Variants in NAV2 observed in about 807,000 individuals in gnomAD.
NAV2 encodes the protein neuron navigator 2.
NAV2 carries 54 observed loss-of-function variants against 223.2 expected under a neutral mutation model. The ratio of observed to expected loss-of-function variants is 0.24; its 90% confidence interval spans 0.19 to 0.30. NAV2 has a LOEUF of 0.30. Among genes scored for constraint, NAV2 ranks in the 10% least tolerant of loss-of-function variants. The pLI is 1.00. For synonymous variants in NAV2, 1,279 were observed against 1,239.3 expected (o/e 1.03, Z -0.67); for missense variants, 2,806 against 3,147.5 (o/e 0.89, Z 2.60).
At chr11:19,892,682 G>T in intron 6 of NAV2, 88 bp downstream of exon 6, 1 of 1,410,144 alleles carries the variant, frequency 7.1e-7, no homozygotes. Flanking sequence ...TTGGGTCATG[G>T]GGAGGGGTTG....
At chr11:19,540,034 G>C (rs1053910217) in intron 1 of NAV2, among the ~76,000 whole-genome samples, 1 of 152,134 alleles carries the variant, frequency 6.6e-6, no homozygotes, top group South Asian at 2.1e-4. Flanking sequence ...TGACTGAGAG[G>C]GACAATTGTT....
intron 3 of NAV2, among the ~76,000 whole-genome samples, chr11:19,862,668 C>A (rs1476957958): frequency 6.6e-6 from 1 of 152,168 alleles, no homozygotes; most frequent in Non-Finnish European, 1.5e-5. Context: ...CAGGACCCCG[C>A]AAGCTCTGCC....
intron 1 of NAV2, among the ~76,000 whole-genome samples, chr11:19,773,732 A>G (rs1358896442): frequency 3.3e-5 from 5 of 151,912 alleles, no homozygotes; most frequent in Admixed American, 1.3e-4. Context: ...CACAGCCATT[A>G]CCCTTTGGAA....
intron 1 of NAV2, among the ~76,000 whole-genome samples, chr11:19,454,203 G>A (rs1165635949): frequency 6.6e-6 from 1 of 152,196 alleles, no homozygotes; most frequent in East Asian, 1.9e-4. Context: ...AAGAAGGGCT[G>A]TGTCTCTAAA....
intron 11 of NAV2, among the ~76,000 whole-genome samples, chr11:20,008,427 G>C (rs959354155): frequency 6.6e-5 from 10 of 152,100 alleles, no homozygotes; most frequent in Admixed American, 5.9e-4. Context: ...CTATCACTTT[G>C]ACTCTTTTCA....
intron 8 of NAV2, among the ~76,000 whole-genome samples, chr11:19,940,834 T>C (rs538059308): frequency 2.6e-5 from 4 of 152,304 alleles, no homozygotes; most frequent in Non-Finnish European, 5.9e-5. Flanking sequence ...CTTAGAATGA[T>C]TTGGGCCCCA....
In NAV2 at chr11:19,448,161, A is replaced by T. The variant is rs1303815850; in HGVS notation, c.75+97134A>T. ...ACCCTGTGCCCCTACCCCACCCCCCATCACACTCCCCCTGAATTCTTCCTT... is the reference window on the plus strand; with the variant it reads ...ACCCTGTGCCCCTACCCCACCCCCCTTCACACTCCCCCTGAATTCTTCCTT... On this transcript the variant is annotated intron_variant, in intron 1 of 37. Transcript: ENST00000360655. 3.2e-5 allele frequency among the ~76,000 whole-genome samples: 4 copies of T among 123,548 alleles called. No homozygotes were observed. In the East Asian group the frequency reaches 7.9e-4, roughly 25 times the overall value. The allele number at this position is 123,548 out of a possible 152,430, so 81.1% of individuals were successfully genotyped here.
intron 1 of NAV2, among the ~76,000 whole-genome samples, chr11:19,428,072 T>G (rs962474979): frequency 6.6e-6 from 1 of 152,204 alleles, no homozygotes; most frequent in African/African-American, 2.4e-5. Context: ...ACCCTGAGGT[T>G]GTAAAAGGAT....
At chr11:19,451,139 G>A (rs1232265341) in intron 1 of NAV2, among the ~76,000 whole-genome samples, 4 of 152,138 alleles carry the variant, frequency 2.6e-5, no homozygotes, top group Admixed American at 6.5e-5. Flanking sequence ...TATGAAAGAA[G>A]CTGACGGGAC....
At chr11:19,533,346 A>G (rs59342985) in intron 1 of NAV2, among the ~76,000 whole-genome samples, 3,863 of 151,796 alleles carry the variant, frequency 0.025, 175 homozygotes, top group African/African-American at 0.088. Flanking sequence ...CCCAGCTGAG[A>G]TGACCAAAAA....
intron 1 of NAV2, among the ~76,000 whole-genome samples, chr11:19,482,337 T>C (rs2042305391): frequency 6.6e-6 from 1 of 152,140 alleles, no homozygotes; most frequent in African/African-American, 2.4e-5. Flanking sequence ...CCTCTAGTAA[T>C]GAGAATATGC....
chr11:19,657,393 C>G (rs2048156453), intron 1 of NAV2, among the ~76,000 whole-genome samples: 1 of 152,148 alleles, frequency 6.6e-6, no homozygotes, highest in South Asian at 2.1e-4. Context: ...CCCTGTGGTT[C>G]AGAGAGGGTA....
Position 20,034,794 on chromosome 11 carries a change from TG to T in NAV2, c.2769-1161del, listed in dbSNP as rs141441057. Among the ~76,000 whole-genome samples, 540 of 151,746 alleles carry T rather than the reference TG, an allele frequency of 3.6e-3. 4 individuals are homozygous for T. The highest frequency in any genetic ancestry group is 0.012 in the African/African-American group (505 of 41,370). ...AGAGTGTGACAGGCTTGATGGCTGG[TG>T]GGGTGGTTTTCCTGAGAAGGTAACT... is the stretch of plus-strand genomic sequence containing the variant. On this transcript the variant is annotated intron_variant, in intron 11 of 37. Transcript: ENST00000349880.
At chr11:19,398,430 G>A (rs535326684) in intron 1 of NAV2, among the ~76,000 whole-genome samples, 2 of 152,098 alleles carry the variant, frequency 1.3e-5, no homozygotes, top group Non-Finnish European at 2.9e-5. Context: ...TGAGATTTGG[G>A]CAGGGACACA....
chr11:20,024,641 A>G lies in NAV2; in HGVS notation c.2769-11318A>G, dbSNP rs144791064. ...GGTCCCTTCGCTTTCCTCTTACCCC[A>G]AGAAAGAGAGAGCTTAAGGGCAAGT... On this transcript the variant is annotated intron_variant, in intron 11 of 37. Transcript: ENST00000349880. 4.1e-4 allele frequency among the ~76,000 whole-genome samples: 63 copies of G among 152,308 alleles called. 1 individual carries two copies. In the East Asian group the frequency reaches 6.0e-3, roughly 14 times the overall value.
intron 11 of NAV2, among the ~76,000 whole-genome samples, chr11:20,012,972 G>A (rs1360744814): frequency 6.6e-6 from 1 of 152,020 alleles, no homozygotes; most frequent in East Asian, 1.9e-4. Flanking sequence ...TACTGCATAG[G>A]GAATGTCAGA....
intron 1 of NAV2, among the ~76,000 whole-genome samples, chr11:19,546,289 C>T (rs1376176645): frequency 6.6e-6 from 1 of 152,244 alleles, no homozygotes; most frequent in Non-Finnish European, 1.5e-5. Flanking sequence ...GAGATTCCCT[C>T]TCTCAACCCT....
chr11:20,022,890 C>A, intron 11 of NAV2: 1 of 1,379,288 alleles, frequency 7.3e-7, no homozygotes, highest in South Asian at 1.8e-5. Context: ...CTCGATCCTT[C>A]AGCACTTCAG....
chr11:19,537,189 C>T (rs1400298910), intron 1 of NAV2, among the ~76,000 whole-genome samples: 1 of 152,094 alleles, frequency 6.6e-6, no homozygotes, highest in Admixed American at 6.5e-5. Flanking sequence ...GTAGGCACTA[C>T]TATATGTGAT....
Sources: allele counts gnomAD v4.1 joint callset (sites outside exome capture counted in the v4.1 genomes callset), GRCh38; gene constraint gnomAD v4.1.1; transcripts MANE v1.5; gene names NCBI Gene and HGNC (gene_info 2026-07-23, HGNC 2026-07-21).